SIK3: variants seen among roughly 807,000 people sequenced by gnomAD.
The protein encoded by SIK3 is serine/threonine-protein kinase SIK3.
A neutral mutation model predicts 144.2 loss-of-function variants in SIK3; 28 were observed. That is an observed-to-expected ratio of 0.19 (90% CI 0.14 to 0.27). The LOEUF (loss-of-function observed/expected upper bound fraction) is 0.27, where lower values mean the gene tolerates loss of function less well. Among genes scored for constraint, SIK3 ranks in the 10% least tolerant of loss-of-function variants. The probability of loss-of-function intolerance (pLI) is 1.00; values close to 1 mark genes in which losing one functional copy is unlikely to be tolerated. For synonymous variants in SIK3, 686 were observed against 676.3 expected (o/e 1.01, Z -0.22); for missense variants, 1,319 against 1,776.0 (o/e 0.74, Z 4.62).
chr11:117,001,524 ATAAAG>A, intron 1 of SIK3, among the ~76,000 whole-genome samples: 1 of 152,092 alleles, frequency 6.6e-6, no homozygotes, highest in African/African-American at 2.4e-5. Flanking sequence ...AAAATTTAAA[ATAAAG>A]TAATTTGAGC....
At chr11:116,993,913 G>A (rs1245037900) in intron 1 of SIK3, among the ~76,000 whole-genome samples, 1 of 152,216 alleles carries the variant, frequency 6.6e-6, no homozygotes, top group Admixed American at 6.5e-5. Context: ...GACATCAGGA[G>A]GAGCAACCAT....
intron 1 of SIK3, among the ~76,000 whole-genome samples, chr11:116,982,231 C>T (rs1950163791): frequency 6.6e-6 from 1 of 152,026 alleles, no homozygotes; most frequent in African/African-American, 2.4e-5. Context: ...TCCTCTAATC[C>T]TACAAGAAAC....
intron 1 of SIK3, among the ~76,000 whole-genome samples, chr11:117,003,823 C>T (rs1178579583): frequency 2.0e-5 from 3 of 152,192 alleles, no homozygotes; most frequent in African/African-American, 7.2e-5. Context: ...AATTTAAAGT[C>T]GGAGCAACCT....
At chr11:116,891,495 G>A (rs148983016) in intron 6 of SIK3, among the ~76,000 whole-genome samples, 7 of 152,258 alleles carry the variant, frequency 4.6e-5, no homozygotes, top group East Asian at 1.9e-4. Context: ...CTATATATGC[G>A]TGTTCTGGGT....
intron 2 of SIK3, 105 bp downstream of exon 2, chr11:116,956,843 C>T: frequency 1.6e-6 from 1 of 626,908 alleles, no homozygotes; most frequent in Non-Finnish European, 2.6e-6. Context: ...AACATAGAAA[C>T]AAAAAAAGTC....
intron 1 of SIK3, among the ~76,000 whole-genome samples, chr11:117,024,224 C>T (rs1255248905): frequency 6.6e-6 from 1 of 151,706 alleles, no homozygotes; most frequent in Non-Finnish European, 1.5e-5. Context: ...AATGTTTATG[C>T]CTTTTCTCCT....
chr11:116,971,698 C>T (rs1173805454), intron 1 of SIK3, among the ~76,000 whole-genome samples: 1 of 152,172 alleles, frequency 6.6e-6, no homozygotes, highest in African/African-American at 2.4e-5. Context: ...TCCCAATCAC[C>T]GTATCATTTC....
At chr11:116,876,508 G>A (rs1387599392) in intron 7 of SIK3, 145 bp from the exon 8 acceptor site, 1 of 698,600 alleles carries the variant, frequency 1.4e-6, no homozygotes, top group Non-Finnish European at 2.5e-6. Flanking sequence ...AGAGCCCTGA[G>A]TGATCAGCTG....
chr11:116,909,178 T>C (rs1020874393), intron 4 of SIK3, among the ~76,000 whole-genome samples: 6 of 152,134 alleles, frequency 3.9e-5, no homozygotes, highest in African/African-American at 1.4e-4. Context: ...ATCAATATGA[T>C]TCTATTCATG....
intron 16 of SIK3, among the ~76,000 whole-genome samples, chr11:116,863,430 C>T (rs718847): frequency 0.85 from 129,985 of 152,112 alleles, 56,274 homozygotes; most frequent in African/African-American, 0.92. Flanking sequence ...GGGTTTGCCA[C>T]GTTGCCTAGG....
chr11:117,092,906 T>C (rs1410497872), intron 1 of SIK3, among the ~76,000 whole-genome samples: 2 of 152,192 alleles, frequency 1.3e-5, no homozygotes, highest in African/African-American at 4.8e-5. Flanking sequence ...GCGAGATCTA[T>C]GACTTTCTAG....
At chr11:116,935,289 GATT>G (rs1369071172) in intron 3 of SIK3, among the ~76,000 whole-genome samples, 3 of 151,006 alleles carry the variant, frequency 2.0e-5, no homozygotes, top group Non-Finnish European at 4.4e-5. Flanking sequence ...TAATTATATT[GATT>G]ATTAATACTT....
chr11:116,971,859 C>A lies in SIK3; in HGVS notation c.274-14795G>T, dbSNP rs12575091. Among the ~76,000 whole-genome samples the A allele has an allele frequency of 1.6e-3, 250 of 151,722 alleles. 3 individuals carry two copies. The East Asian group carries it at 0.04, about 24-fold the overall frequency. Reference sequence around the variant, plus strand: ...ATCCCAGCACTTTGGGAGGCCGAGGCGGGTGGATCACGAGGTCAGGAGTTC... The same window carrying A: ...ATCCCAGCACTTTGGGAGGCCGAGGAGGGTGGATCACGAGGTCAGGAGTTC... On this transcript the variant is annotated intron_variant, in intron 1 of 24. Coordinates refer to ENST00000445177, the MANE Select transcript of SIK3 (RefSeq NM_001366686.3).
At chr11:117,034,023 A>G (rs948706820) in intron 1 of SIK3, among the ~76,000 whole-genome samples, 1 of 152,216 alleles carries the variant, frequency 6.6e-6, no homozygotes, top group Non-Finnish European at 1.5e-5. Context: ...TAAGTTTTAT[A>G]AAACAGATTT....
At chr11:117,084,044 T>C (rs80137897) in intron 1 of SIK3, among the ~76,000 whole-genome samples, 6,338 of 152,252 alleles carry the variant, frequency 0.042, 265 homozygotes, top group African/African-American at 0.099. Flanking sequence ...AAATAACTTG[T>C]CCTCAAATTT....
chr11:116,915,119 CAT>C (rs1461076295), intron 4 of SIK3, among the ~76,000 whole-genome samples: 10 of 99,306 alleles, frequency 1.0e-4, no homozygotes, highest in East Asian at 3.5e-4. Flanking sequence ...AGTAGGAAGC[CAT>C]ATATGTGTGT....
chr11:117,059,975 T>C (rs1953719807), intron 1 of SIK3, among the ~76,000 whole-genome samples: 1 of 152,252 alleles, frequency 6.6e-6, no homozygotes, highest in Non-Finnish European at 1.5e-5. Flanking sequence ...TCTCTTACTA[T>C]ATGATCACGC....
chr11:116,896,314 C>A lies in SIK3; in HGVS notation c.804G>T (p.Leu268=). ...TCAGCACGCGGGCCCGCAGATTCTG[C>A]AGTGTGCTTCCATCAAATGGCAGGG... ...CGALPFDGST[L]QNLRARVLSG... The change falls in exon 6 of 25, where the codon CTG becomes CTT. Residue 268 remains leucine (L), a synonymous_variant. Coordinates refer to ENST00000445177, the MANE Select transcript of SIK3 (RefSeq NM_001366686.3). The A allele has an allele frequency of 1.9e-6, 3 of 1,614,010 alleles. No homozygotes were observed. Among genetic ancestry groups the A allele is most frequent in the Non-Finnish European group, 2.5e-6 (3 of 1,179,928 alleles).
At chr11:116,936,174 T>C (rs1427627150) in intron 3 of SIK3, among the ~76,000 whole-genome samples, 1 of 152,096 alleles carries the variant, frequency 6.6e-6, no homozygotes, top group Non-Finnish European at 1.5e-5. Context: ...TGAACTAGCG[T>C]TCTCTTTGTT....
Sources: allele counts gnomAD v4.1 joint callset (sites outside exome capture counted in the v4.1 genomes callset), GRCh38; gene constraint gnomAD v4.1.1; transcripts MANE v1.5; gene names NCBI Gene and HGNC (gene_info 2026-07-23, HGNC 2026-07-21).